POFUT3: variants seen among roughly 807,000 people sequenced by gnomAD.
POFUT3 encodes GDP-fucose protein O-fucosyltransferase 3.
the POFUT3 span, chr8:33,360,697 C>A: frequency 2.6e-5 from 4 of 152,142 alleles, no homozygotes; most frequent in Non-Finnish European, 5.9e-5. Flanking sequence ...GGTCCCTCTA[C>A]CTACTGTTTT....
chr8:33,372,312 T>C, the POFUT3 span: 3 of 1,181,914 alleles, frequency 2.5e-6, no homozygotes, highest in Non-Finnish European at 3.1e-6. Context: ...CAAAAGGCAG[T>C]AAGTATGTGG....
chr8:33,350,630 A>G, the POFUT3 span, among the ~76,000 whole-genome samples: 2 of 152,218 alleles, frequency 1.3e-5, no homozygotes. Context: ...TTAATGATAG[A>G]AAAAGATCCT....
chr8:33,334,357 A>T, the POFUT3 span, among the ~76,000 whole-genome samples: 1 of 152,062 alleles, frequency 6.6e-6, no homozygotes, highest in Non-Finnish European at 1.5e-5. Flanking sequence ...AGCTGGGATT[A>T]CTGGCATGCG....
the POFUT3 span, among the ~76,000 whole-genome samples, chr8:33,385,215 G>A: frequency 6.6e-6 from 1 of 152,148 alleles, no homozygotes; most frequent in African/African-American, 2.4e-5. Context: ...TGCAACCCTA[G>A]GCTTTCCAGG....
the POFUT3 span, among the ~76,000 whole-genome samples, chr8:33,397,372 G>T: frequency 1.3e-5 from 2 of 152,172 alleles, no homozygotes; most frequent in Admixed American, 6.5e-5. Context: ...TCTTGGGGGT[G>T]AGTTAACCGG....
At chr8:33,429,022 G>T in the POFUT3 span, among the ~76,000 whole-genome samples, 1 of 152,184 alleles carries the variant, frequency 6.6e-6, no homozygotes, top group African/African-American at 2.4e-5. Context: ...ATGATGCTAA[G>T]TCACAGGATA....
chr8:33,455,953 G>C, the POFUT3 span: 2 of 402,072 alleles, frequency 5.0e-6, no homozygotes, highest in East Asian at 1.4e-4. Context: ...TCCAGAAGGA[G>C]TAAGAAATTA....
At chr8:33,320,794 A>G in the POFUT3 span, among the ~76,000 whole-genome samples, 2 of 152,106 alleles carry the variant, frequency 1.3e-5, no homozygotes, top group African/African-American at 4.8e-5. Context: ...GAGTTACAAG[A>G]GGTAGAGTCA....
chr8:33,434,094 C>T, the POFUT3 span, among the ~76,000 whole-genome samples: 2 of 151,816 alleles, frequency 1.3e-5, no homozygotes, highest in African/African-American at 4.8e-5. Flanking sequence ...AAACCTGTCT[C>T]TACTAAAAAT....
the POFUT3 span, chr8:33,453,246 G>C: frequency 6.2e-7 from 1 of 1,614,226 alleles, no homozygotes; most frequent in Non-Finnish European, 8.5e-7. Flanking sequence ...GTCATGTGAT[G>C]ATGGAGGTAG....
the POFUT3 span, among the ~76,000 whole-genome samples, chr8:33,332,320 C>G: frequency 6.6e-6 from 1 of 151,148 alleles, no homozygotes; most frequent in Non-Finnish European, 1.5e-5. Context: ...CCTGTCTCTA[C>G]TAAAAAAAGA....
the POFUT3 span, among the ~76,000 whole-genome samples, chr8:33,330,953 C>T: frequency 6.6e-6 from 1 of 152,042 alleles, no homozygotes; most frequent in African/African-American, 2.4e-5. Context: ...CTTTTTAATC[C>T]CAGCGCCCAG....
chr8:33,340,056 T>C, the POFUT3 span, among the ~76,000 whole-genome samples: 1 of 152,146 alleles, frequency 6.6e-6, no homozygotes. Context: ...TCTAAATGTA[T>C]GTTGAGGAAA....
the POFUT3 span, among the ~76,000 whole-genome samples, chr8:33,431,072 A>G: frequency 2.6e-5 from 4 of 152,268 alleles, no homozygotes; most frequent in Admixed American, 2.6e-4. Context: ...GCCTGGGTAG[A>G]GACGGTAGAG....
At chr8:33,359,096 A>T in the POFUT3 span, among the ~76,000 whole-genome samples, 1 of 152,214 alleles carries the variant, frequency 6.6e-6, no homozygotes, top group Admixed American at 6.5e-5. Flanking sequence ...GGAGGGGTGA[A>T]TTGTTACAAT....
chr8:33,384,461 T>C, the POFUT3 span, among the ~76,000 whole-genome samples: 1 of 152,166 alleles, frequency 6.6e-6, no homozygotes, highest in African/African-American at 2.4e-5. Context: ...CTACCTTAGA[T>C]ATACTCATGG....
chr8:33,352,314 G>A, the POFUT3 span, among the ~76,000 whole-genome samples: 13 of 152,196 alleles, frequency 8.5e-5, no homozygotes, highest in Admixed American at 7.2e-4. Flanking sequence ...CCACTCAGCC[G>A]GAGAATGAAG....
the POFUT3 span, among the ~76,000 whole-genome samples, chr8:33,401,424 G>A: frequency 2.0e-5 from 3 of 152,138 alleles, no homozygotes; most frequent in Non-Finnish European, 2.9e-5. Flanking sequence ...CACCACTGCC[G>A]CTGCCCAGCT....
the POFUT3 span, chr8:33,460,830 T>C: frequency 8.1e-6 from 6 of 736,816 alleles, no homozygotes; most frequent in African/African-American, 3.8e-5. Context: ...AGAGGTTTTT[T>C]ACTGGGAGGT....
Sources: gnomAD v4.1 joint callset for allele counts (sites outside exome capture counted in the v4.1 genomes callset) on GRCh38, gnomAD v4.1.1 for gene constraint, MANE v1.5 for transcripts, NCBI Gene and HGNC (gene_info 2026-07-23, HGNC 2026-07-21) for gene names.